CUL2: variants seen among roughly 807,000 people sequenced by gnomAD.
CUL2 encodes cullin 2.
A neutral mutation model predicts 110.2 loss-of-function variants in CUL2; 22 were observed. The observed-to-expected ratio is 0.20, with a 90% confidence interval of 0.14 to 0.28. The LOEUF (loss-of-function observed/expected upper bound fraction) is 0.28, where lower values mean the gene tolerates loss of function less well. CUL2 is among the 10% of genes least tolerant of loss of function. The probability of loss-of-function intolerance (pLI) is 1.00; values close to 1 mark genes in which losing one functional copy is unlikely to be tolerated. For synonymous variants in CUL2, 279 were observed against 293.2 expected, an observed-to-expected ratio of 0.95 and a Z score of 0.49; for missense variants, 631 against 905.5, an observed-to-expected ratio of 0.70 and a Z score of 3.89.
rs967507673 is a variant in CUL2, at chr10:35,008,999, T to C, written c.*1312A>G. On this transcript the variant is annotated 3_prime_UTR_variant, in exon 21 of 21. Transcript: ENST00000374749. The stretch of plus-strand genomic sequence containing the variant: ...ATCCCAGCACTTTGGGAGACAGAGA[T>C]AGGATTGCTTGAGGCCAGAAGTTCC... The C allele has an allele frequency of 6.6e-6, 1 of 151,736 alleles. No individual in the cohort carries two copies. Among genetic ancestry groups the C allele is most frequent in the African/African-American group, 2.4e-5 (1 of 41,306 alleles). The allele number at this position is 151,736 out of a possible 1,614,324, so 9.4% of individuals were successfully genotyped here. A position where few individuals can be genotyped will look rare whatever the true frequency, so the allele number is the denominator to read the frequency against.
At chr10:35,056,273 G>C (rs941728958) in intron 4 of CUL2, among the ~76,000 whole-genome samples, 2 of 152,166 alleles carry the variant, frequency 1.3e-5, no homozygotes, top group African/African-American at 4.8e-5. Flanking sequence ...GATAGCAAAA[G>C]CTAACAGTAG....
intron 17 of CUL2, among the ~76,000 whole-genome samples, chr10:35,019,748 C>CAG (rs1029960581): frequency 3.3e-5 from 5 of 152,340 alleles, no homozygotes; most frequent in African/African-American, 1.2e-4. Context: ...GTATCTGTGT[C>CAG]AGCTCTCTAC....
At position 35,106,304 on chromosome 10, in the gene CUL2, G is replaced by T. The variant is rs867358145; in HGVS notation, c.-50-5244C>A. Among the ~76,000 whole-genome samples the T allele has an allele frequency of 3.9e-3, 550 of 142,278 alleles. 2 individuals carry two copies. The Middle Eastern group carries it at 0.04, about 10-fold the overall frequency. 93.3% of individuals were successfully genotyped at this position (142,278 alleles called of 152,430 possible). On this transcript the variant is annotated intron_variant, in intron 1 of 5. Transcript: ENST00000685421. ...CCTATAAAAAATAAATGTGTTTTTT[G>T]TTTTTTTTTTTGTGGGTTTTTTTTT... is the stretch of plus-strand genomic sequence containing the variant.
In CUL2 at chr10:35,081,308, C is replaced by A. The variant is rs547379230; in HGVS notation, c.-23+8871G>T. On this transcript the variant is annotated intron_variant, in intron 1 of 20. Transcript: ENST00000374749. ...CTCTCTGCAATGAACTTTAGACTCC[C>A]ATAAGACTGCACAGCCTATACTTTG... Among the ~76,000 whole-genome samples, 14 of 152,294 alleles carry A rather than the reference C, an allele frequency of 9.2e-5. No individual in the cohort carries two copies. The South Asian group carries it at 2.9e-3, about 32-fold the overall frequency.
chr10:35,109,905 G>A (rs960589617), intron 1 of CUL2, among the ~76,000 whole-genome samples: 1 of 152,176 alleles, frequency 6.6e-6, no homozygotes, highest in African/African-American at 2.4e-5. Flanking sequence ...CAGGCATGGT[G>A]GCTCACACCT....
At chr10:35,117,444 G>A (rs990677158) in intron 1 of CUL2, among the ~76,000 whole-genome samples, 1 of 151,788 alleles carries the variant, frequency 6.6e-6, no homozygotes, top group African/African-American at 2.4e-5. Context: ...TTCCCAGTCT[G>A]GTCTTGAACT....
chr10:35,026,951 A>G (rs2085350602), intron 16 of CUL2, among the ~76,000 whole-genome samples: 1 of 152,042 alleles, frequency 6.6e-6, no homozygotes, highest in African/African-American at 2.4e-5. Context: ...GTCATTTAGC[A>G]TTAGGTATAT....
At chr10:35,073,384 G>A (rs948083787) in intron 1 of CUL2, among the ~76,000 whole-genome samples, 3 of 152,126 alleles carry the variant, frequency 2.0e-5, no homozygotes, top group Non-Finnish European at 4.4e-5. Flanking sequence ...CTGTGCACAT[G>A]AGTATTTCCT....
chr10:35,031,467 G>C lies in CUL2; in HGVS notation c.1299+24C>G. On this transcript the variant is annotated intron_variant, in intron 13 of 20. Coordinates refer to ENST00000374749, the MANE Select transcript of CUL2 (RefSeq NM_003591.4). This position sits in a 1 kb window ranked among gnomAD's most constrained non-coding sequence, Gnocchi z 4.4. ...AAATAAAGTTGACCAAAATACAAAT[G>C]AAACTTTTCTGTTCACAACATACCT... 1 of 1,604,056 alleles carries C rather than the reference G, an allele frequency of 6.2e-7. No homozygotes were observed. Among genetic ancestry groups the C allele is most frequent in the Non-Finnish European group, 8.5e-7 (1 of 1,173,960 alleles).
chr10:35,062,588 A>C (rs1351903313), intron 3 of CUL2, among the ~76,000 whole-genome samples: 1 of 151,838 alleles, frequency 6.6e-6, no homozygotes, highest in Non-Finnish European at 1.5e-5. Context: ...AAGCAAAAAC[A>C]AGGGAGGCCA....
At chr10:35,080,437 A>T (rs529056351) in intron 1 of CUL2, among the ~76,000 whole-genome samples, 21 of 61,704 alleles carry the variant, frequency 3.4e-4, no homozygotes, top group South Asian at 9.7e-4. Flanking sequence ...TCCTATTTTT[A>T]TTTATTTATT....
At chr10:35,036,243 T>TATA (rs147493997) in intron 9 of CUL2, among the ~76,000 whole-genome samples, 2,357 of 152,338 alleles carry the variant, frequency 0.015, 24 homozygotes, top group Middle Eastern at 0.031. Flanking sequence ...TCAACATGTG[T>TATA]ATAAGGATCA....
rs2087075711 is a variant in CUL2, at chr10:35,086,779, C to T, written c.-23+3400G>A. 2.0e-5 allele frequency among the ~76,000 whole-genome samples: 3 copies of T among 152,098 alleles called. No individual in the cohort carries two copies. In the South Asian group the frequency reaches 6.2e-4, roughly 31 times the overall value. On this transcript the variant is annotated intron_variant, in intron 1 of 20. Coordinates refer to ENST00000374749, the MANE Select transcript of CUL2 (RefSeq NM_003591.4). ...AGGGCAGGGACCAAATCAGAAAATGCTGCAGTACTCCACAGTTTTATCCTC... is the reference window on the plus strand; with the variant it reads ...AGGGCAGGGACCAAATCAGAAAATGTTGCAGTACTCCACAGTTTTATCCTC...
At chr10:35,065,114 CT>C (rs776187758) in intron 2 of CUL2, among the ~76,000 whole-genome samples, 3 of 152,152 alleles carry the variant, frequency 2.0e-5, no homozygotes, top group East Asian at 1.9e-4. Context: ...TAACTATGTT[CT>C]TTTTCTCTAA....
intron 2 of CUL2, among the ~76,000 whole-genome samples, chr10:35,066,170 T>C (rs1289092548): frequency 2.0e-5 from 3 of 152,106 alleles, no homozygotes; most frequent in East Asian, 3.9e-4. Flanking sequence ...ATGCCATGGG[T>C]CAAAAACAAT....
intron 1 of CUL2, among the ~76,000 whole-genome samples, chr10:35,116,109 G>A (rs2891473): frequency 0.15 from 22,966 of 151,976 alleles, 1,956 homozygotes; most frequent in East Asian, 0.24. Flanking sequence ...TTGGGAGGCC[G>A]AGGTGGGCAG....
upstream of CUL2, among the ~76,000 whole-genome samples, chr10:35,094,391 A>G (rs1408327625): frequency 1.3e-5 from 2 of 152,050 alleles, no homozygotes; most frequent in East Asian, 3.9e-4. Context: ...ACGTGCCACC[A>G]CGCCCAGCTA....
chr10:35,023,495 T>A (rs2085254116), intron 17 of CUL2, among the ~76,000 whole-genome samples: 1 of 152,188 alleles, frequency 6.6e-6, no homozygotes, highest in Non-Finnish European at 1.5e-5. Context: ...AGAAAGTTAT[T>A]CTCTTTCCTA....
Position 35,008,785 on chromosome 10 carries a change from A to C in CUL2, c.*1526T>G, listed in dbSNP as rs2084822434. On this transcript the variant is annotated 3_prime_UTR_variant, in exon 21 of 21. Transcript: ENST00000374749. ...TTGTAAGACCCATCTCAAAACAACAAATTTAAATATGAACCACATATTAGA... is the reference window on the plus strand; with the variant it reads ...TTGTAAGACCCATCTCAAAACAACACATTTAAATATGAACCACATATTAGA... The C allele has an allele frequency of 6.6e-6, 1 of 152,200 alleles. No individual in the cohort carries two copies. The highest frequency in any genetic ancestry group is 6.5e-5 in the Admixed American group (1 of 15,278). 9.4% of individuals were successfully genotyped at this position (152,200 alleles called of 1,614,324 possible).
Sources: allele counts gnomAD v4.1 joint callset (sites outside exome capture counted in the v4.1 genomes callset), GRCh38; gene constraint gnomAD v4.1.1; non-coding constraint Gnocchi (gnomAD v3.1); transcripts MANE v1.5; gene names NCBI Gene and HGNC (gene_info 2026-07-23, HGNC 2026-07-21).